ECM1: variants seen among roughly 807,000 people sequenced by gnomAD.
The protein encoded by ECM1 is secretory component p85.
A neutral mutation model predicts 57.9 loss-of-function variants in ECM1; 54 were observed. That is an observed-to-expected ratio of 0.93 (90% CI 0.75 to 1.17). ECM1 has a LOEUF of 1.17. Among genes scored for constraint, ECM1 ranks in the 50% most tolerant of loss-of-function variants. ECM1 has a pLI of 0.00. For synonymous variants in ECM1, 237 were observed against 259.1 expected, an observed-to-expected ratio of 0.91 and a Z score of 0.82; for missense variants, 649 against 688.1, an observed-to-expected ratio of 0.94 and a Z score of 0.64.
rs1269652172 is a variant in ECM1 at position 150,511,634 on chromosome 1, G to A, written c.886G>A (p.Glu296Lys). ...SHQPDISSGL[E>K]LPFPPGVPTL... ...TCAGCCTGATATTTCCTCGGGTCTTGAGCTGCCTTTCCCTCCTGGGGTGCC... is the reference window on the plus strand; with the variant it reads ...TCAGCCTGATATTTCCTCGGGTCTTAAGCTGCCTTTCCCTCCTGGGGTGCC... Residue 296 changes from glutamate (E) to lysine (K), a missense_variant, in exon 7 of 10, where the codon GAG becomes AAG. Physicochemically the swap from Glu to Lys is moderately conservative, Grantham distance 56. Coordinates refer to ENST00000369047, the MANE Select transcript of ECM1 (RefSeq NM_004425.4). The A allele has an allele frequency of 1.2e-6, 2 of 1,614,002 alleles. No homozygotes were observed. Among genetic ancestry groups the A allele is most frequent in the Non-Finnish European group, 1.7e-6 (2 of 1,180,038 alleles).
Position 150,512,722 on chromosome 1 carries a change from T to C in ECM1, c.1305-3T>C, listed in dbSNP as rs1670478010. ...AACCCCTGCCCCTTTCACACCAACA[T>C]AGTAAACATATTCCTGGGCTGATCC... On this transcript the variant is annotated splice_region_variant and splice_polypyrimidine_tract_variant and intron_variant, in intron 8 of 9. Transcript: ENST00000369047. 1.9e-6 allele frequency: 3 copies of C among 1,613,826 alleles called. No individual in the cohort carries two copies. In the African/African-American group the frequency reaches 4.0e-5, roughly 22 times the overall value.
At chr1:150,508,430 A>G (rs769895346) in intron 1 of ECM1, 151 bp downstream of exon 1, 2 of 765,620 alleles carry the variant, frequency 2.6e-6, no homozygotes, top group African/African-American at 1.7e-5. Flanking sequence ...AGGCCAGTGG[A>G]GCCTTTAACC....
At chr1:150,509,425 C>A in intron 1 of ECM1, 106 bp from the exon 2 acceptor site, 1 of 1,272,688 alleles carries the variant, frequency 7.9e-7, no homozygotes, top group Non-Finnish European at 1.1e-6. Context: ...CATCTCGTGT[C>A]TTGCTTGTCT....
rs370154669 is a variant in ECM1, at chr1:150,509,592, G to T, written c.121+11G>T. On this transcript the variant is annotated intron_variant, in intron 2 of 9. Transcript: ENST00000369047. ...AGCACTTTCAAGAAGGTAAGAGTTT[G>T]GGGGAGCAGCATGGGATTGGGACTC... 2 of 1,614,088 alleles carry T rather than the reference G, an allele frequency of 1.2e-6. No homozygotes were observed. Among genetic ancestry groups the T allele is most frequent in the Non-Finnish European group, 1.7e-6 (2 of 1,180,008 alleles).
intron 5 of ECM1, 134 bp downstream of exon 5, chr1:150,510,316 CA>C: frequency 1.2e-6 from 1 of 822,910 alleles, no homozygotes; most frequent in Non-Finnish European, 2.0e-6. Context: ...CATACTTCTC[CA>C]AGCCTTTGTT....
chr1:150,511,042 C>T lies in ECM1; in HGVS notation c.552C>T (p.Asn184=). Residue 184 remains asparagine (N), a synonymous_variant, in exon 6 of 10, where the codon AAC becomes AAT. Transcript: ENST00000369047. ...PDNLNQICLP[N]RQHVVYGPWN... Reference sequence around the variant, plus strand: ...ATCTGAACCAAATCTGCCTTCCTAACCGTCAGCATGTGGTATATGGTCCCT... The same window carrying T: ...ATCTGAACCAAATCTGCCTTCCTAATCGTCAGCATGTGGTATATGGTCCCT... The T allele has an allele frequency of 1.2e-6, 2 of 1,614,180 alleles. No individual in the cohort carries two copies. Among genetic ancestry groups the T allele is most frequent in the Non-Finnish European group, 1.7e-6 (2 of 1,180,008 alleles).
rs114699131 is a variant in ECM1 at position 150,509,802 on chromosome 1, G to T, written c.223+40G>T. The T allele has an allele frequency of 8.2e-4, 1,318 of 1,613,844 alleles. 8 individuals are homozygous for T. The African/African-American group carries it at 0.015, about 19-fold the overall frequency. On this transcript the variant is annotated intron_variant, in intron 3 of 9. Transcript: ENST00000369047. ...CCATGCCCTCCTCAGTGACCCTCCA[G>T]GTTTCTAATCTGGCCTATATCCCAC...
chr1:150,509,415 C>T (rs1670371386), intron 1 of ECM1, 116 bp from the exon 2 acceptor site: 2 of 1,076,694 alleles, frequency 1.9e-6, no homozygotes, highest in Non-Finnish European at 2.8e-6. Flanking sequence ...TACAGAGGGG[C>T]ATCTCGTGTC....
chr1:150,509,888 A>C (rs1404671680), intron 3 of ECM1, 34 bp from the exon 4 acceptor site: 2 of 1,614,066 alleles, frequency 1.2e-6, no homozygotes, highest in Admixed American at 3.3e-5. Context: ...GCTAGGAGAA[A>C]GGGTGGGCTG....
At position 150,513,462 on chromosome 1, in the gene ECM1, G is replaced by GA; in HGVS notation, c.1620dup (p.Ter541MetfsTer39). 1 of 1,612,650 alleles carries GA rather than the reference G, an allele frequency of 6.2e-7. No homozygotes were observed. Among genetic ancestry groups the GA allele is most frequent in the Non-Finnish European group, 8.5e-7 (1 of 1,179,932 alleles). On this transcript the variant is annotated frameshift_variant, in exon 10 of 10. Coordinates refer to ENST00000369047, the MANE Select transcript of ECM1 (RefSeq NM_004425.4). LOFTEE classifies it high-confidence loss of function. Reference sequence around the variant, plus strand: ...CAGCTCCACCTCTGAGCCCAAGGAAGAATGAGTCACCCCAGAGCCCTAGAG... The same window carrying GA: ...CAGCTCCACCTCTGAGCCCAAGGAAGAAATGAGTCACCCCAGAGCCCTAGAG...
Position 150,512,720 on chromosome 1 carries a change from CA to C in ECM1, c.1305-4del, listed in dbSNP as rs1670477963. ...CTAACCCCTGCCCCTTTCACACCAACATAGTAAACATATTCCTGGGCTGATC... is the reference window on the plus strand; with the variant it reads ...CTAACCCCTGCCCCTTTCACACCAACTAGTAAACATATTCCTGGGCTGATC... On this transcript the variant is annotated splice_polypyrimidine_tract_variant and splice_region_variant and intron_variant, in intron 8 of 9. Coordinates refer to ENST00000369047, the MANE Select transcript of ECM1 (RefSeq NM_004425.4). 6.2e-7 allele frequency: 1 copy of C among 1,613,994 alleles called. No individual in the cohort carries two copies. Among genetic ancestry groups the C allele is most frequent in the Non-Finnish European group, 8.5e-7 (1 of 1,180,008 alleles).
In ECM1 at chr1:150,511,715, C is replaced by T. The variant is rs148594423; in HGVS notation, c.967C>T (p.Arg323Cys). ...CCTGAGGCGCTTCCGCTCTGTGCCA[C>T]GCAACCTGCCAGCTACTGACCCCCT... ...CHLRRFRSVP[R>C]NLPATDPLQR... The change falls in exon 7 of 10, where the codon CGC (arginine) becomes TGC (cysteine). Residue 323 changes from arginine (R) to cysteine (C), a missense_variant. Arg to Cys is a radical substitution (Grantham distance 180). Coordinates refer to ENST00000369047, the MANE Select transcript of ECM1 (RefSeq NM_004425.4). 1.4e-4 allele frequency: 221 copies of T among 1,614,136 alleles called. 1 individual carries two copies. Among genetic ancestry groups the T allele is most frequent in the Non-Finnish European group, 1.7e-4 (200 of 1,180,016 alleles).
intron 1 of ECM1, among the ~76,000 whole-genome samples, chr1:150,509,053 A>T (rs959248487): frequency 6.6e-6 from 1 of 152,192 alleles, no homozygotes; most frequent in Admixed American, 6.5e-5. Context: ...ACCTTCAGGA[A>T]GCCTCCTTAA....
chr1:150,513,785 C>T lies in ECM1; in HGVS notation c.*318C>T, dbSNP rs1230709824. On this transcript the variant is annotated 3_prime_UTR_variant, in exon 10 of 10. Transcript: ENST00000369047. ...ATGCGACCATAACTAAACAGCTTGA[C>T]GTCACTTTGCCATCTTGAATTTATT... The T allele has an allele frequency of 3.2e-5, 8 of 249,584 alleles. No homozygotes were observed. The highest frequency in any genetic ancestry group is 1.0e-4 in the Admixed American group (2 of 20,058). 15.5% of individuals were successfully genotyped at this position (249,584 alleles called of 1,614,324 possible). A position where few individuals can be genotyped will look rare whatever the true frequency, so the allele number is the denominator to read the frequency against.
rs778572390 is a variant in ECM1 at position 150,509,686 on chromosome 1, ACC to A, written c.150_151del (p.Leu51IlefsTer10). The A allele has an allele frequency of 9.6e-7, 1 of 1,044,228 alleles. No individual in the cohort carries two copies. Among genetic ancestry groups the A allele is most frequent in the Non-Finnish European group, 1.4e-6 (1 of 731,074 alleles). The allele number at this position is 1,044,228 out of a possible 1,614,324, so 64.7% of individuals were successfully genotyped here. ...TTGGCTACGCAGCTCCCCCCTCCCC[ACC>A]CCTATCCCGAAGCCTCCCCATGGAT... is the stretch of plus-strand genomic sequence containing the variant. Reference protein sequence around the residue: ...EVGYAAPPSPPLSRSLPMDHP... With the variant: ...EVGYAAPPSPXLSRSLPMDHP... On this transcript the variant is annotated frameshift_variant, in exon 3 of 10. Coordinates refer to ENST00000369047, the MANE Select transcript of ECM1 (RefSeq NM_004425.4). LOFTEE classifies it high-confidence loss of function.
intron 5 of ECM1, 74 bp from the exon 6 acceptor site, chr1:150,510,802 C>T: frequency 6.7e-7 from 1 of 1,500,924 alleles, no homozygotes; most frequent in Non-Finnish European, 9.3e-7. Flanking sequence ...CAGATTCTTT[C>T]AATCCTCCCA....
chr1:150,511,168 C>T lies in ECM1; in HGVS notation c.678C>T (p.His226=), dbSNP rs759257322. 6.2e-7 allele frequency: 1 copy of T among 1,614,220 alleles called. No homozygotes were observed. Among genetic ancestry groups the T allele is most frequent in the South Asian group, 1.1e-5 (1 of 91,090 alleles). ...GYSRCCHCRS[H]TNRLECAKLV... ...CCCGCTGCTGCCACTGCCGCAGCCACACAAACCGCCTAGAGTGTGCCAAAC... is the reference window on the plus strand; with the variant it reads ...CCCGCTGCTGCCACTGCCGCAGCCATACAAACCGCCTAGAGTGTGCCAAAC... Residue 226 remains histidine, a synonymous_variant, in exon 6 of 10, where the codon CAC becomes CAT. Coordinates refer to ENST00000369047, the MANE Select transcript of ECM1 (RefSeq NM_004425.4).
Position 150,512,705 on chromosome 1 carries a change from C to A in ECM1, c.1305-20C>A, listed in dbSNP as rs1400318108. On this transcript the variant is annotated intron_variant, in intron 8 of 9. Coordinates refer to ENST00000369047, the MANE Select transcript of ECM1 (RefSeq NM_004425.4). ...AGATGCCCAAAGACCCTAACCCCTG[C>A]CCCTTTCACACCAACATAGTAAACA... is the stretch of plus-strand genomic sequence containing the variant. 6.2e-7 allele frequency: 1 copy of A among 1,613,742 alleles called. No individual in the cohort carries two copies. The highest frequency in any genetic ancestry group is 8.5e-7 in the Non-Finnish European group (1 of 1,179,660).
intron 1 of ECM1, 21 bp downstream of exon 1, chr1:150,508,300 T>G: frequency 6.2e-7 from 1 of 1,610,872 alleles, no homozygotes; most frequent in Non-Finnish European, 8.5e-7. Flanking sequence ...GGATCAGCAC[T>G]TAGGAGGGGG....
Sources: gnomAD v4.1 joint callset for allele counts (sites outside exome capture counted in the v4.1 genomes callset) on GRCh38, gnomAD v4.1.1 for gene constraint, MANE v1.5 for transcripts, NCBI Gene and HGNC (gene_info 2026-07-23, HGNC 2026-07-21) for gene names.